Variants in SLC24A2 observed in about 807,000 individuals in gnomAD.
SLC24A2 encodes the protein solute carrier family 24 member 2.
In SLC24A2, 36 loss-of-function variants were observed where a neutral mutation model predicts 62.0. The ratio of observed to expected loss-of-function variants is 0.58; its 90% CI spans 0.44 to 0.77. The LOEUF is 0.77. Among genes scored for constraint, SLC24A2 ranks in the 30% least tolerant of loss-of-function variants. The probability of loss-of-function intolerance (pLI) is 0.00; values close to 1 mark genes in which losing one functional copy is unlikely to be tolerated. For synonymous variants in SLC24A2, 358 were observed against 294.0 expected, an observed-to-expected ratio of 1.22 and a Z score of -2.23; for missense variants, 846 against 817.9, an observed-to-expected ratio of 1.03 and a Z score of -0.42.
At chr9:19,541,376 G>C (rs537183941) in intron 8 of SLC24A2, among the ~76,000 whole-genome samples, 10 of 151,808 alleles carry the variant, frequency 6.6e-5, no homozygotes, top group African/African-American at 2.4e-4. Flanking sequence ...ATGTACAGAT[G>C]GGTTTTCGGT....
chr9:20,233,167 AGGTGT>A, the SLC24A2 span, among the ~76,000 whole-genome samples: 19 of 152,292 alleles, frequency 1.2e-4, no homozygotes, highest in African/African-American at 4.3e-4. Context: ...ATTTTGTAGT[AGGTGT>A]GGTGTGGTGC....
the SLC24A2 span, among the ~76,000 whole-genome samples, chr9:20,067,406 T>C: frequency 1.3e-3 from 191 of 152,270 alleles, 3 homozygotes; most frequent in African/African-American, 4.3e-3. Flanking sequence ...TTTAATTCTA[T>C]GTCTGATTTT....
chr9:19,597,799 C>T (rs72614256), intron 4 of SLC24A2, among the ~76,000 whole-genome samples: 12,409 of 152,228 alleles, frequency 0.082, 1,143 homozygotes, highest in African/African-American at 0.22. Context: ...ACGTTCTAAA[C>T]TTCCCTTTCT....
At chr9:19,625,672 A>G (rs1818014749) in intron 2 of SLC24A2, among the ~76,000 whole-genome samples, 1 of 144,496 alleles carries the variant, frequency 6.9e-6, no homozygotes. Context: ...TGGAAATCCC[A>G]TTTCCTTTTT....
chr9:19,534,111 T>A (rs1016607716), intron 8 of SLC24A2, among the ~76,000 whole-genome samples: 1 of 152,028 alleles, frequency 6.6e-6, no homozygotes, highest in African/African-American at 2.4e-5. Context: ...GGGGAAAAAA[T>A]TCGGTCCAGA....
At chr9:19,896,486 C>G in the SLC24A2 span, among the ~76,000 whole-genome samples, 12 of 152,352 alleles carry the variant, frequency 7.9e-5, 1 homozygote, top group African/African-American at 2.4e-4. Flanking sequence ...TCATTATCAT[C>G]TCCAGCATAC....
the SLC24A2 span, among the ~76,000 whole-genome samples, chr9:19,918,327 G>T: frequency 2.7e-5 from 4 of 150,776 alleles, no homozygotes; most frequent in South Asian, 8.4e-4. Context: ...AGACTGGCCT[G>T]GCATTTTTGT....
the SLC24A2 span, among the ~76,000 whole-genome samples, chr9:19,909,478 T>TA: frequency 1.1e-4 from 17 of 150,742 alleles, no homozygotes; most frequent in South Asian, 3.0e-3. Context: ...ACTTAAAGTA[T>TA]AAAAAAAAAG....
the SLC24A2 span, among the ~76,000 whole-genome samples, chr9:20,290,699 G>C: frequency 6.6e-6 from 1 of 152,206 alleles, no homozygotes; most frequent in African/African-American, 2.4e-5. Context: ...AGAGAGCTGT[G>C]CCTGAGATGC....
intron 8 of SLC24A2, among the ~76,000 whole-genome samples, chr9:19,534,317 G>A (rs1030059645): frequency 2.6e-5 from 4 of 152,132 alleles, no homozygotes; most frequent in African/African-American, 9.7e-5. Context: ...ACTAGACTTA[G>A]AGTGCCTTAA....
Position 19,760,247 on chromosome 9 carries a change from C to G in SLC24A2, c.930+25690G>C, listed in dbSNP as rs562184449. On this transcript the variant is annotated intron_variant, in intron 2 of 10. Coordinates refer to ENST00000341998, the MANE Select transcript of SLC24A2 (RefSeq NM_020344.4). ...GCCTTTCCATTTGTGTGCAGGATCC[C>G]CCGCCCATTCCCCATCCATTCAAGG... Among the ~76,000 whole-genome samples the G allele has an allele frequency of 2.0e-5, 3 of 152,200 alleles. No homozygotes were observed. The East Asian group carries it at 5.8e-4, about 29-fold the overall frequency.
the SLC24A2 span, among the ~76,000 whole-genome samples, chr9:20,304,985 A>G: frequency 2.0e-5 from 3 of 152,150 alleles, no homozygotes; most frequent in African/African-American, 7.2e-5. Flanking sequence ...CCAACTACTT[A>G]AATGACTCCC....
At chr9:20,081,667 A>G in the SLC24A2 span, among the ~76,000 whole-genome samples, 1 of 152,160 alleles carries the variant, frequency 6.6e-6, no homozygotes, top group African/African-American at 2.4e-5. Context: ...TGTAGGTCAA[A>G]GGGCATGTGT....
the SLC24A2 span, among the ~76,000 whole-genome samples, chr9:20,153,849 T>C: frequency 6.6e-6 from 1 of 151,954 alleles, no homozygotes; most frequent in Non-Finnish European, 1.5e-5. Flanking sequence ...CTGTCTGCAG[T>C]TTCTAAATTT....
At chr9:20,296,672 C>T in the SLC24A2 span, among the ~76,000 whole-genome samples, 90,234 of 152,156 alleles carry the variant, frequency 0.59, 27,424 homozygotes, top group Middle Eastern at 0.8. Flanking sequence ...TGGTGACCCA[C>T]TGTGGTTTTT....
At chr9:19,558,806 T>C (rs553673363) in intron 7 of SLC24A2, among the ~76,000 whole-genome samples, 95 of 152,328 alleles carry the variant, frequency 6.2e-4, no homozygotes, top group African/African-American at 2.2e-3. Context: ...GAAAATACTC[T>C]CACTGACAAA....
chr9:19,989,582 C>T, the SLC24A2 span, among the ~76,000 whole-genome samples: 1 of 152,152 alleles, frequency 6.6e-6, no homozygotes, highest in Non-Finnish European at 1.5e-5. Flanking sequence ...ATTCCTGGTC[C>T]TCCCTGTTTC....
the SLC24A2 span, among the ~76,000 whole-genome samples, chr9:19,899,170 T>C: frequency 6.6e-6 from 1 of 152,212 alleles, no homozygotes; most frequent in African/African-American, 2.4e-5. Context: ...CATGGATGTG[T>C]CTGACTGGTA....
At chr9:19,725,225 C>A (rs766020632) in intron 2 of SLC24A2, among the ~76,000 whole-genome samples, 1 of 152,138 alleles carries the variant, frequency 6.6e-6, no homozygotes, top group Non-Finnish European at 1.5e-5. Flanking sequence ...GTAATTCCCC[C>A]CACAACAAAG....
Sources: gnomAD v4.1 joint callset for allele counts (sites outside exome capture counted in the v4.1 genomes callset) on GRCh38, gnomAD v4.1.1 for gene constraint, MANE v1.5 for transcripts, NCBI Gene and HGNC (gene_info 2026-07-23, HGNC 2026-07-21) for gene names.